The following TMEM201 variants were observed in gnomAD, a reference collection of about 807,000 sequenced individuals.
TMEM201 encodes the protein transmembrane protein 201.
Under a neutral mutation model 63.4 loss-of-function variants are expected in TMEM201, and 26 were observed. The ratio of observed to expected loss-of-function variants is 0.41; its 90% CI spans 0.30 to 0.57. TMEM201 has a LOEUF of 0.57. TMEM201 is among the 20% of genes least tolerant of loss of function. The pLI is 0.29. For missense variants in TMEM201, 794 were observed against 917.7 expected, an observed-to-expected ratio of 0.87 and a Z score of 1.74; for synonymous variants, 417 against 421.6, an observed-to-expected ratio of 0.99 and a Z score of 0.14.
rs959132445 is a variant in TMEM201 at position 9,613,006 on chromosome 1, G to T, written c.1924G>T (p.Val642Phe). Residue 642 changes from valine (V) to phenylalanine (F), a missense_variant, in exon 11 of 11, where the codon GTC (valine) becomes TTC (phenylalanine). Transcript: ENST00000340381. ...TWRGRFGPSL[V>F]RGLLAVSLAA... ...TGCAGGTCGTTTCGGCCCTTCCCTG[G>T]TCCGGGGCCTCCTGGCCGTGAGCTT... The T allele has an allele frequency of 6.4e-7, 1 of 1,551,464 alleles. No homozygotes were observed. Among genetic ancestry groups the T allele is most frequent in the Non-Finnish European group, 8.7e-7 (1 of 1,147,004 alleles).
Position 9,604,833 on chromosome 1 carries a change from G to GT in TMEM201, c.1160+2562dup. The GT allele has an allele frequency of 1.0e-6, 1 of 985,950 alleles. No individual in the cohort carries two copies. The highest frequency in any genetic ancestry group is 4.7e-5 in the South Asian group (1 of 21,292). 61.1% of individuals were successfully genotyped at this position (985,950 alleles called of 1,614,324 possible). A position where few individuals can be genotyped will look rare whatever the true frequency, so the allele number is the denominator to read the frequency against. On this transcript the variant is annotated intron_variant, in intron 6 of 10. Coordinates refer to ENST00000340381, the MANE Select transcript of TMEM201 (RefSeq NM_001130924.3). The surrounding 1 kb of genome is among the most constrained non-coding windows in gnomAD (Gnocchi z 4.1). ...TGTTGCTGAGTCTCTGTCTCATGTC[G>GT]TAGAATTGTGGATAATTGTCTAGTG...
chr1:9,597,153 G>T (rs571513112), intron 3 of TMEM201, 100 bp downstream of exon 3: 1 of 1,361,340 alleles, frequency 7.3e-7, no homozygotes, highest in Non-Finnish European at 9.8e-7. Context: ...TGGTCCTCTG[G>T]CCCCTGCTCT....
chr1:9,588,974 G>C lies in TMEM201; in HGVS notation c.44G>C (p.Gly15Ala). 7 of 1,247,120 alleles carry C rather than the reference G, an allele frequency of 5.6e-6. No individual in the cohort carries two copies. The highest frequency in any genetic ancestry group is 7.1e-6 in the Non-Finnish European group (7 of 979,344). The allele number at this position is 1,247,120 out of a possible 1,614,324, so 77.3% of individuals were successfully genotyped here. ...CTGCTGGCCCGCTGCCCCACGGCCG[G>C]CCTGGCCGGCGGCCTGGGGGTCACG... ...SALLARCPTA[G>A]LAGGLGVTAC... is the part of the protein sequence containing the mutation. The change falls in exon 1 of 11, where the codon GGC (glycine) becomes GCC (alanine). Residue 15 changes from glycine to alanine, a missense_variant. By Grantham distance (60) the Gly-to-Ala change is moderately conservative (BLOSUM62 0). Coordinates refer to ENST00000340381, the MANE Select transcript of TMEM201 (RefSeq NM_001130924.3).
At chr1:9,598,210 TCCCCATCACTTGTGGGCCCTG>T (rs1644062371) in intron 3 of TMEM201, among the ~76,000 whole-genome samples, 1 of 152,202 alleles carries the variant, frequency 6.6e-6, no homozygotes, top group Non-Finnish European at 1.5e-5. Flanking sequence ...CTTGTTAGTG[TCCCCATCACTTGTGGGCCCTG>T]CCCTGGATTG....
At position 9,598,432 on chromosome 1, in the gene TMEM201, T is replaced by C; in HGVS notation, c.430-17T>C. ...TCCACCCCTGCAGATGCCGAGCCTG[T>C]TCCCCCAACCCCACAGGGCAGGTAT... On this transcript the variant is annotated splice_polypyrimidine_tract_variant and intron_variant, in intron 3 of 10. Transcript: ENST00000340381. 1 of 1,602,038 alleles carries C rather than the reference T, an allele frequency of 6.2e-7. No homozygotes were observed. Among genetic ancestry groups the C allele is most frequent in the Non-Finnish European group, 8.5e-7 (1 of 1,170,372 alleles).
At chr1:9,601,081 C>T (rs779378209) in intron 4 of TMEM201, 24 bp from the exon 5 acceptor site, 2 of 1,561,144 alleles carry the variant, frequency 1.3e-6, no homozygotes, top group Non-Finnish European at 1.7e-6. Context: ...GTCTCACTAA[C>T]CCGCCTCTCT....
chr1:9,597,221 T>G (rs1644041882), intron 3 of TMEM201, among the ~76,000 whole-genome samples, 168 bp downstream of exon 3: 1 of 152,174 alleles, frequency 6.6e-6, no homozygotes, highest in African/African-American at 2.4e-5. Context: ...TCCTTGCCAC[T>G]GCCAGCACAT....
chr1:9,604,022 G>A lies in TMEM201; in HGVS notation c.1160+1750G>A, dbSNP rs1214427381. The A allele has an allele frequency of 3.9e-5, 38 of 985,354 alleles. No homozygotes were observed. The highest frequency in any genetic ancestry group is 2.3e-4 in the East Asian group (2 of 8,826). 61.0% of individuals were successfully genotyped at this position (985,354 alleles called of 1,614,324 possible). On this transcript the variant is annotated intron_variant, in intron 6 of 10. Coordinates refer to ENST00000340381, the MANE Select transcript of TMEM201 (RefSeq NM_001130924.3). This position sits in a 1 kb window ranked among gnomAD's most constrained non-coding sequence, Gnocchi z 4.1. ...GTGTCTACCTGAGGGGCAGGGAACCGCCTGCCTGTGCACTCACGCCACCCC... is the reference window on the plus strand; with the variant it reads ...GTGTCTACCTGAGGGGCAGGGAACCACCTGCCTGTGCACTCACGCCACCCC...
chr1:9,611,711 G>T (rs1644326282), intron 9 of TMEM201, 42 bp from the exon 10 acceptor site: 1 of 1,550,732 alleles, frequency 6.4e-7, no homozygotes, highest in Non-Finnish European at 8.7e-7. Flanking sequence ...TCCCTGGAGG[G>T]AGCCATGAGC....
chr1:9,604,544 A>G lies in TMEM201; in HGVS notation c.1160+2272A>G. 2.6e-5 allele frequency: 26 copies of G among 985,302 alleles called. No homozygotes were observed. Among genetic ancestry groups the G allele is most frequent in the Non-Finnish European group, 3.1e-5 (26 of 829,926 alleles). The allele number at this position is 985,302 out of a possible 1,614,324, so 61.0% of individuals were successfully genotyped here. On this transcript the variant is annotated intron_variant, in intron 6 of 10. Transcript: ENST00000340381. This position sits in a 1 kb window ranked among gnomAD's most constrained non-coding sequence, Gnocchi z 4.1. The stretch of plus-strand genomic sequence containing the variant: ...GGGAATGTGTCACCCCTGCCAGGGA[A>G]CTCTTCTCCTCGCGGGGGACTTGGG...
rs1339484461 is a variant in TMEM201 at position 9,602,185 on chromosome 1, G to T, written c.1073G>T (p.Ser358Ile). ...SPSWLDTLKF[S>I]TTSLCCLVGF... ...AGCTGGCTAGACACGCTCAAGTTCAGCACCACATCTTTGTGCTGCCTGGTT... is the reference window on the plus strand; with the variant it reads ...AGCTGGCTAGACACGCTCAAGTTCATCACCACATCTTTGTGCTGCCTGGTT... Residue 358 changes from serine to isoleucine, a missense_variant, in exon 6 of 11, where the codon AGC (serine) becomes ATC (isoleucine). By Grantham distance (142) the Ser-to-Ile change is moderately radical. Transcript: ENST00000340381. 1 of 1,613,220 alleles carries T rather than the reference G, an allele frequency of 6.2e-7. No homozygotes were observed. Among genetic ancestry groups the T allele is most frequent in the South Asian group, 1.1e-5 (1 of 91,086 alleles).
chr1:9,596,993 G>A lies in TMEM201; in HGVS notation c.369G>A (p.Arg123=), dbSNP rs768026207. The A allele has an allele frequency of 3.1e-5, 50 of 1,612,636 alleles. No individual in the cohort carries two copies. The highest frequency in any genetic ancestry group is 1.1e-5 in the Non-Finnish European group (13 of 1,179,534). Residue 123 remains arginine (R), a synonymous_variant, in exon 3 of 11, where the codon AGG becomes AGA. Coordinates refer to ENST00000340381, the MANE Select transcript of TMEM201 (RefSeq NM_001130924.3). Reference sequence around the variant, plus strand: ...GCAGCCAAGTCCTGCTGTGCAAGAGGTGCAACCACCACCAGACCACCAAGA... The same window carrying A: ...GCAGCCAAGTCCTGCTGTGCAAGAGATGCAACCACCACCAGACCACCAAGA... ...WVSSQVLLCK[R]CNHHQTTKIK...
chr1:9,593,553 C>T lies in TMEM201; in HGVS notation c.114-2337C>T, dbSNP rs186851713. Among the ~76,000 whole-genome samples the T allele has an allele frequency of 9.5e-4, 145 of 152,334 alleles. 1 individual carries two copies. The highest frequency in any genetic ancestry group is 3.3e-3 in the African/African-American group (137 of 41,568). ...CAAGGGCTAATCCCTTGCCTCCCCC[C>T]TCTTCCGGGCCGCCTCATTCTAGAT... On this transcript the variant is annotated intron_variant, in intron 1 of 10. Transcript: ENST00000340381.
chr1:9,609,327 T>C (rs1275829712), intron 7 of TMEM201, among the ~76,000 whole-genome samples: 1 of 152,174 alleles, frequency 6.6e-6, no homozygotes, highest in Non-Finnish European at 1.5e-5. Flanking sequence ...CCACTTGGAA[T>C]TGGGGCCCCT....
chr1:9,612,081 G>A (rs1463992889), intron 10 of TMEM201, among the ~76,000 whole-genome samples, 191 bp downstream of exon 10: 8 of 152,184 alleles, frequency 5.3e-5, no homozygotes, highest in African/African-American at 7.2e-5. Context: ...TCCCCCTCTC[G>A]GGATTTGGGC....
intron 1 of TMEM201, among the ~76,000 whole-genome samples, chr1:9,593,236 C>G (rs1643950956): frequency 6.6e-6 from 1 of 152,240 alleles, no homozygotes; most frequent in Non-Finnish European, 1.5e-5. Flanking sequence ...GGGACCTCGT[C>G]CGAGCTGTGG....
intron 3 of TMEM201, 62 bp downstream of exon 3, chr1:9,597,115 G>C: frequency 4.6e-6 from 7 of 1,534,836 alleles, no homozygotes; most frequent in Non-Finnish European, 6.2e-6. Context: ...GAGCAGCCGG[G>C]GGACAGGCAC....
At chr1:9,590,477 G>A (rs1643901833) in intron 1 of TMEM201, among the ~76,000 whole-genome samples, 1 of 152,174 alleles carries the variant, frequency 6.6e-6, no homozygotes, top group Non-Finnish European at 1.5e-5. Context: ...GTTTATTGAG[G>A]CTGGACTTGG....
In TMEM201 at chr1:9,610,867, T is replaced by C; in HGVS notation, c.1765+62T>C. On this transcript the variant is annotated intron_variant, in intron 9 of 10. Coordinates refer to ENST00000340381, the MANE Select transcript of TMEM201 (RefSeq NM_001130924.3). This position sits in a 1 kb window ranked among gnomAD's most constrained non-coding sequence, Gnocchi z 4.9. ...GGCCTCTGCTGCCAAGAGGCCTGGC[T>C]GTGCGGCGGTGGGGGGGCTCATCCT... 6.7e-7 allele frequency: 1 copy of C among 1,494,000 alleles called. No homozygotes were observed. Among genetic ancestry groups the C allele is most frequent in the Admixed American group, 2.1e-5 (1 of 48,034 alleles). The allele number at this position is 1,494,000 out of a possible 1,614,324, so 92.5% of individuals were successfully genotyped here. A position where few individuals can be genotyped will look rare whatever the true frequency, so the allele number is the denominator to read the frequency against.
Sources: allele counts gnomAD v4.1 joint callset (sites outside exome capture counted in the v4.1 genomes callset), GRCh38; gene constraint gnomAD v4.1.1; non-coding constraint Gnocchi (gnomAD v3.1); transcripts MANE v1.5; gene names NCBI Gene and HGNC (gene_info 2026-07-23, HGNC 2026-07-21).